RPS6KC1: variants seen among roughly 807,000 people sequenced by gnomAD.
The protein encoded by RPS6KC1 is inactive ribosomal protein S6 kinase delta-1.
RPS6KC1 carries 54 observed loss-of-function variants against 103.8 expected under a neutral mutation model. That is an observed-to-expected ratio of 0.52 (90% CI 0.42 to 0.65). RPS6KC1 has a LOEUF of 0.65. Among genes scored for constraint, RPS6KC1 ranks in the 30% least tolerant of loss-of-function variants. The pLI is 0.00. For synonymous variants in RPS6KC1, 439 were observed against 438.7 expected (o/e 1.00, Z -0.01); for missense variants, 1,151 against 1,253.8 (o/e 0.92, Z 1.24).
chr1:213,621,658 G>A, the RPS6KC1 span, among the ~76,000 whole-genome samples: 1 of 152,144 alleles, frequency 6.6e-6, no homozygotes, highest in Non-Finnish European at 1.5e-5. Flanking sequence ...ATTTGCTAGG[G>A]GATAGTTAAG....
the RPS6KC1 span, among the ~76,000 whole-genome samples, chr1:213,450,297 G>C: frequency 3.0e-4 from 46 of 150,862 alleles, no homozygotes; most frequent in Non-Finnish European, 6.8e-4. Flanking sequence ...AAGCCAGCAG[G>C]TTTCATCAAA....
At chr1:213,805,794 C>G in the RPS6KC1 span, among the ~76,000 whole-genome samples, 26 of 152,212 alleles carry the variant, frequency 1.7e-4, no homozygotes, top group Non-Finnish European at 3.8e-4. Flanking sequence ...CCAGATCCAT[C>G]AGGGGAATCA....
the RPS6KC1 span, among the ~76,000 whole-genome samples, chr1:213,837,539 G>T: frequency 3.3e-5 from 5 of 152,258 alleles, no homozygotes; most frequent in East Asian, 9.7e-4. Context: ...CCAAAGACAG[G>T]CATGAAGAAC....
intron 6 of RPS6KC1, among the ~76,000 whole-genome samples, chr1:213,147,770 G>A (rs1019748703): frequency 6.6e-6 from 1 of 152,168 alleles, no homozygotes; most frequent in Non-Finnish European, 1.5e-5. Context: ...CATTGGATCT[G>A]TAGATTGCTG....
At position 213,145,994 on chromosome 1, in the gene RPS6KC1, T is replaced by G. The variant is rs561596874; in HGVS notation, c.835+16105T>G. 6.4e-3 allele frequency among the ~76,000 whole-genome samples: 656 copies of G among 102,630 alleles called. 11 individuals are homozygous for G. Among genetic ancestry groups the G allele is most frequent in the East Asian group, 0.061 (205 of 3,382 alleles). The allele number at this position is 102,630 out of a possible 152,430, so 67.3% of individuals were successfully genotyped here. On this transcript the variant is annotated intron_variant, in intron 6 of 14. Coordinates refer to ENST00000366960, the MANE Select transcript of RPS6KC1 (RefSeq NM_012424.6). ...TTTTTTTTTTTTTTTTTTTTTTTTT[T>G]GGTATATGTTAATCATCCCACCTCC...
At chr1:213,476,710 G>A in the RPS6KC1 span, among the ~76,000 whole-genome samples, 4 of 152,188 alleles carry the variant, frequency 2.6e-5, no homozygotes, top group Admixed American at 2.6e-4. Flanking sequence ...GGACTTCTAT[G>A]GTGTTGGAGA....
chr1:213,778,281 C>T, the RPS6KC1 span, among the ~76,000 whole-genome samples: 1 of 152,140 alleles, frequency 6.6e-6, no homozygotes, highest in Non-Finnish European at 1.5e-5. Context: ...CTATTTTATT[C>T]CAGGCCAGGT....
intron 6 of RPS6KC1, among the ~76,000 whole-genome samples, chr1:213,143,066 G>C (rs561360036): frequency 1.1e-4 from 17 of 152,112 alleles, no homozygotes; most frequent in African/African-American, 3.6e-4. Context: ...CCGTTGTGTA[G>C]TTTATATCTC....
At chr1:213,676,208 TG>T in the RPS6KC1 span, among the ~76,000 whole-genome samples, 7 of 152,208 alleles carry the variant, frequency 4.6e-5, no homozygotes, top group Non-Finnish European at 1.0e-4. Flanking sequence ...CTCTCTCAGC[TG>T]GCAAGCTCTG....
the RPS6KC1 span, among the ~76,000 whole-genome samples, chr1:213,516,308 A>G: frequency 6.6e-6 from 1 of 152,100 alleles, no homozygotes; most frequent in African/African-American, 2.4e-5. Flanking sequence ...GTCTTGTGCC[A>G]GTTTTCAAAG....
At chr1:213,330,558 T>G in the RPS6KC1 span, among the ~76,000 whole-genome samples, 3 of 152,168 alleles carry the variant, frequency 2.0e-5, no homozygotes, top group Non-Finnish European at 2.9e-5. Context: ...TGGTGACTGA[T>G]GTTGAGCAAT....
At chr1:213,561,709 C>T in the RPS6KC1 span, among the ~76,000 whole-genome samples, 1 of 152,272 alleles carries the variant, frequency 6.6e-6, no homozygotes, top group Non-Finnish European at 1.5e-5. Context: ...GTATTTGGGT[C>T]CCCCTCACTC....
At chr1:213,852,554 C>T in the RPS6KC1 span, among the ~76,000 whole-genome samples, 1,870 of 152,184 alleles carry the variant, frequency 0.012, 42 homozygotes, top group African/African-American at 0.039. Context: ...GATCTGTTTT[C>T]GGATCTGTTT....
chr1:213,581,000 A>G, the RPS6KC1 span, among the ~76,000 whole-genome samples: 2 of 152,040 alleles, frequency 1.3e-5, no homozygotes, highest in Admixed American at 6.5e-5. Context: ...ATTTGCAAAT[A>G]CTACATGATT....
the RPS6KC1 span, among the ~76,000 whole-genome samples, chr1:213,520,963 G>T: frequency 6.6e-6 from 1 of 152,068 alleles, no homozygotes; most frequent in Non-Finnish European, 1.5e-5. Flanking sequence ...ACCATTATTG[G>T]CCATTTGATG....
At chr1:213,428,098 C>T in the RPS6KC1 span, among the ~76,000 whole-genome samples, 9 of 152,280 alleles carry the variant, frequency 5.9e-5, no homozygotes, top group Admixed American at 2.0e-4. Flanking sequence ...GTGACTTCCT[C>T]TCTCAGGGAG....
At chr1:213,458,033 T>C in the RPS6KC1 span, among the ~76,000 whole-genome samples, 1 of 152,216 alleles carries the variant, frequency 6.6e-6, no homozygotes, top group African/African-American at 2.4e-5. Flanking sequence ...AGGGGATGCA[T>C]TGTGGGTTTG....
the RPS6KC1 span, among the ~76,000 whole-genome samples, chr1:213,542,588 G>T: frequency 7.9e-5 from 12 of 152,306 alleles, no homozygotes; most frequent in East Asian, 2.3e-3. Flanking sequence ...GGCATCATGA[G>T]CTACAGAGAT....
chr1:213,711,087 C>T, the RPS6KC1 span, among the ~76,000 whole-genome samples: 49 of 152,284 alleles, frequency 3.2e-4, no homozygotes, highest in Non-Finnish European at 6.6e-4. Flanking sequence ...GGCAAGTTCT[C>T]CTGGATAATA....
Sources: gnomAD v4.1 joint callset for allele counts (sites outside exome capture counted in the v4.1 genomes callset) on GRCh38, gnomAD v4.1.1 for gene constraint, MANE v1.5 for transcripts, NCBI Gene and HGNC (gene_info 2026-07-23, HGNC 2026-07-21) for gene names.